The following ASAP2 variants were observed in gnomAD, a reference collection of about 807,000 sequenced individuals.
ASAP2 encodes arf-GAP with SH3 domain, ANK repeat and PH domain-containing protein 2.
In ASAP2, 45 loss-of-function variants were observed where a neutral mutation model predicts 131.4. The ratio of observed to expected loss-of-function variants is 0.34; its 90% CI spans 0.27 to 0.44. The LOEUF is 0.44. Ranked by LOEUF, ASAP2 falls within the 20% of genes least tolerant of loss-of-function variation. ASAP2 has a pLI of 1.00. For synonymous variants in ASAP2, 510 were observed against 503.0 expected (o/e 1.01, Z -0.19); for missense variants, 1,011 against 1,297.0 (o/e 0.78, Z 3.39).
intron 1 of ASAP2, among the ~76,000 whole-genome samples, chr2:9,222,441 C>T (rs1439644176): frequency 6.6e-6 from 1 of 152,218 alleles, no homozygotes; most frequent in African/African-American, 2.4e-5. Flanking sequence ...ACCGCAAACC[C>T]TTTCCAAGCT....
chr2:9,344,515 T>C lies in ASAP2; in HGVS notation c.850-17T>C, dbSNP rs751479586. 1.2e-6 allele frequency: 2 copies of C among 1,602,724 alleles called. No individual in the cohort carries two copies. The highest frequency in any genetic ancestry group is 1.1e-5 in the South Asian group (1 of 90,514). ...GACCTGGACAAGATTAAAAACACAC[T>C]CTTCACCATTTTTTAGGACTCCCAA... On this transcript the variant is annotated splice_polypyrimidine_tract_variant and intron_variant, in intron 9 of 27. Coordinates refer to ENST00000281419, the MANE Select transcript of ASAP2 (RefSeq NM_003887.3).
intron 1 of ASAP2, among the ~76,000 whole-genome samples, chr2:9,267,436 G>T (rs1666018083): frequency 6.6e-6 from 1 of 152,030 alleles, no homozygotes; most frequent in South Asian, 2.1e-4. Flanking sequence ...TAGGATTAGG[G>T]CCTGCAGCTG....
chr2:9,312,895 A>C (rs1669399108), intron 3 of ASAP2, among the ~76,000 whole-genome samples: 1 of 152,092 alleles, frequency 6.6e-6, no homozygotes, highest in Non-Finnish European at 1.5e-5. Context: ...CTCTACTAAT[A>C]ATACAAAAAT....
intron 3 of ASAP2, among the ~76,000 whole-genome samples, chr2:9,306,473 T>C (rs1438837897): frequency 2.0e-5 from 3 of 151,818 alleles, no homozygotes; most frequent in Non-Finnish European, 4.4e-5. Context: ...AGGTGTTCAC[T>C]GTTCTAAGAA....
At chr2:9,304,723 A>T (rs1188609205) in intron 3 of ASAP2, among the ~76,000 whole-genome samples, 2 of 115,182 alleles carry the variant, frequency 1.7e-5, no homozygotes, top group African/African-American at 3.4e-5. Flanking sequence ...GAGGGGCTGG[A>T]CTAGTGGGGT....
intron 1 of ASAP2, among the ~76,000 whole-genome samples, chr2:9,221,834 G>T (rs1044079042): frequency 6.6e-6 from 1 of 151,914 alleles, no homozygotes; most frequent in Non-Finnish European, 1.5e-5. Flanking sequence ...TCGCTCTGTC[G>T]CCCAGGCTGG....
chr2:9,317,774 C>T (rs1165597347), intron 3 of ASAP2, among the ~76,000 whole-genome samples: 1 of 151,186 alleles, frequency 6.6e-6, no homozygotes, highest in Non-Finnish European at 1.5e-5. Flanking sequence ...ACAATCACAC[C>T]CTCACACACC....
At position 9,348,234 on chromosome 2, in the gene ASAP2, A is replaced by G. The variant is rs1222992851; in HGVS notation, c.1024-2574A>G. ...TGGGTTCAAGCAGTTCTCCTGCCTCAGCCTCCCAAGTAGCTGGGACTGCAG... is the reference window on the plus strand; with the variant it reads ...TGGGTTCAAGCAGTTCTCCTGCCTCGGCCTCCCAAGTAGCTGGGACTGCAG... On this transcript the variant is annotated intron_variant, in intron 11 of 27. Transcript: ENST00000281419. 5.3e-5 allele frequency among the ~76,000 whole-genome samples: 8 copies of G among 152,134 alleles called. No homozygotes were observed. The East Asian group carries it at 1.5e-3, about 29-fold the overall frequency.
intron 20 of ASAP2, among the ~76,000 whole-genome samples, chr2:9,382,064 A>C (rs1243689512): frequency 1.3e-5 from 2 of 148,450 alleles, no homozygotes; most frequent in Admixed American, 6.7e-5. Context: ...GTTCACTGCA[A>C]CCTCCGCCTC....
chr2:9,381,839 G>T (rs1446024459), intron 20 of ASAP2, among the ~76,000 whole-genome samples: 1 of 152,116 alleles, frequency 6.6e-6, no homozygotes, highest in Non-Finnish European at 1.5e-5. Flanking sequence ...AGGAGTTCAA[G>T]ACTACAGTGA....
At position 9,378,994 on chromosome 2, in the gene ASAP2, G is replaced by A; in HGVS notation, c.1883G>A (p.Cys628Tyr). The change falls in exon 19 of 28, where the codon TGC becomes TAC. Residue 628 changes from cysteine to tyrosine, a missense_variant. Cys to Tyr is a radical substitution (Grantham distance 194). Around this residue, in one of 2 missense-constraint regions of ASAP2, gnomAD observed 652 missense variants for 698.9 expected, o/e 0.93. Coordinates refer to ENST00000281419, the MANE Select transcript of ASAP2 (RefSeq NM_003887.3). Reference sequence around the variant, plus strand: ...AAAGGCAGCACAGCCCTGCACTACTGCTGCCTGACCGACAATGCCGAGTGC... The same window carrying A: ...AAAGGCAGCACAGCCCTGCACTACTACTGCCTGACCGACAATGCCGAGTGC... ...TGKGSTALHY[C>Y]CLTDNAECLK... is the part of the protein sequence containing the mutation. 6.4e-7 allele frequency: 1 copy of A among 1,573,578 alleles called. No homozygotes were observed. Among genetic ancestry groups the A allele is most frequent in the Non-Finnish European group, 8.6e-7 (1 of 1,159,078 alleles).
chr2:9,321,278 C>A (rs955495044), intron 5 of ASAP2, among the ~76,000 whole-genome samples: 2 of 152,140 alleles, frequency 1.3e-5, no homozygotes, highest in African/African-American at 4.8e-5. Flanking sequence ...AATCAGTGAG[C>A]CCCACACCTT....
At chr2:9,329,366 T>C (rs2148538058) in intron 7 of ASAP2, among the ~76,000 whole-genome samples, 1 of 152,290 alleles carries the variant, frequency 6.6e-6, no homozygotes, top group Middle Eastern at 3.4e-3. Context: ...TGCCAGGCGC[T>C]ATTAGGGGTT....
intron 2 of ASAP2, among the ~76,000 whole-genome samples, chr2:9,290,461 C>T (rs530515213): frequency 7.2e-5 from 11 of 152,314 alleles, no homozygotes; most frequent in Non-Finnish European, 1.5e-4. Context: ...CTGCCCATCT[C>T]GGCCTCCCAA....
At chr2:9,367,069 C>T (rs976600087) in intron 15 of ASAP2, among the ~76,000 whole-genome samples, 26 of 143,862 alleles carry the variant, frequency 1.8e-4, no homozygotes, top group African/African-American at 6.5e-4. Context: ...CTCACTCTGT[C>T]GCCCAGGCTG....
At chr2:9,301,046 T>C (rs554413537) in intron 3 of ASAP2, among the ~76,000 whole-genome samples, 35 of 152,362 alleles carry the variant, frequency 2.3e-4, no homozygotes, top group Admixed American at 5.2e-4. Flanking sequence ...GAGCGGATTA[T>C]GGCGGAAGTC....
chr2:9,209,548 C>T (rs994032072), intron 1 of ASAP2, among the ~76,000 whole-genome samples: 4 of 152,162 alleles, frequency 2.6e-5, no homozygotes, highest in Non-Finnish European at 4.4e-5. Context: ...AAATGAATCA[C>T]GGAACTAGCA....
intron 7 of ASAP2, 121 bp from the exon 8 acceptor site, chr2:9,334,617 A>G: frequency 1.3e-6 from 1 of 785,878 alleles, no homozygotes. Context: ...CTGTTCATAC[A>G]GTCTTTTCCC....
intron 1 of ASAP2, among the ~76,000 whole-genome samples, chr2:9,229,333 G>A (rs11694787): frequency 6.6e-6 from 1 of 152,162 alleles, no homozygotes; most frequent in East Asian, 1.9e-4. Flanking sequence ...GCCCGCCACA[G>A]TGAGCCTCAG....
Sources: gnomAD v4.1 joint callset for allele counts (sites outside exome capture counted in the v4.1 genomes callset) on GRCh38, gnomAD v4.1.1 for gene constraint, gnomAD v4.1.1 regional missense constraint, MANE v1.5 for transcripts, NCBI Gene and HGNC (gene_info 2026-07-23, HGNC 2026-07-21) for gene names.